The following SLC41A3 variants were observed in gnomAD, a reference collection of about 807,000 sequenced individuals.
SLC41A3 encodes the protein SLC41A1-like 2.
A neutral mutation model predicts 45.4 loss-of-function variants in SLC41A3; 44 were observed. The observed-to-expected ratio is 0.97, with a 90% CI of 0.76 to 1.25. The LOEUF is 1.25. SLC41A3 is among the 50% of genes most tolerant of loss of function. The probability of loss-of-function intolerance (pLI) is 0.00; values close to 1 mark genes in which losing one functional copy is unlikely to be tolerated. For missense variants in SLC41A3, 550 were observed against 600.6 expected (o/e 0.92, Z 0.88); for synonymous variants, 256 against 252.4 (o/e 1.01, Z -0.13).
intron 1 of SLC41A3, among the ~76,000 whole-genome samples, chr3:126,068,806 C>A (rs1485548917): frequency 6.6e-6 from 1 of 152,142 alleles, no homozygotes; most frequent in Non-Finnish European, 1.5e-5. Context: ...TTACAAGTCC[C>A]CATGCCCAAA....
chr3:126,036,147 G>A (rs182340288), intron 3 of SLC41A3, among the ~76,000 whole-genome samples: 35 of 152,286 alleles, frequency 2.3e-4, no homozygotes, highest in Admixed American at 1.6e-3. Context: ...TCCTGTCTCC[G>A]TTCTAGATTT....
chr3:126,096,849 C>T (rs1468394382), intron 1 of SLC41A3, among the ~76,000 whole-genome samples: 3 of 152,210 alleles, frequency 2.0e-5, no homozygotes, highest in South Asian at 4.1e-4. Context: ...TCCTCTAATG[C>T]TGCTGGGTTA....
chr3:126,028,949 T>G lies in SLC41A3; in HGVS notation c.454-2470A>C, dbSNP rs117032393. ...CCCTTCCTTTGGCTGATTTCTCCCCTTTGAAATGGGAGTATTTACCCAATA... is the reference window on the plus strand; with the variant it reads ...CCCTTCCTTTGGCTGATTTCTCCCCGTTGAAATGGGAGTATTTACCCAATA... On this transcript the variant is annotated intron_variant, in intron 4 of 10. Transcript: ENST00000360370. 1.1e-3 allele frequency among the ~76,000 whole-genome samples: 165 copies of G among 152,358 alleles called. No individual in the cohort carries two copies. In the East Asian group the frequency reaches 0.013, roughly 12 times the overall value.
At chr3:126,059,191 C>T (rs112491297) in intron 2 of SLC41A3, among the ~76,000 whole-genome samples, 61 of 130,740 alleles carry the variant, frequency 4.7e-4, no homozygotes, top group African/African-American at 1.7e-3. Context: ...GGGTACACTG[C>T]GAGCAGAACA....
At chr3:126,050,107 T>C (rs530573478) in intron 3 of SLC41A3, among the ~76,000 whole-genome samples, 8 of 152,312 alleles carry the variant, frequency 5.3e-5, no homozygotes, top group African/African-American at 1.9e-4. Context: ...TGCAAGGGCC[T>C]CTTCCCTATA....
chr3:126,060,704 A>T (rs1559871600), intron 2 of SLC41A3, among the ~76,000 whole-genome samples: 1 of 152,380 alleles, frequency 6.6e-6, no homozygotes, highest in African/African-American at 2.4e-5. Flanking sequence ...TAATCCAGAA[A>T]ATCAAAAGTG....
chr3:126,045,028 G>C (rs1032133393), intron 3 of SLC41A3, among the ~76,000 whole-genome samples: 2 of 149,722 alleles, frequency 1.3e-5, no homozygotes, highest in Admixed American at 1.3e-4. Context: ...ACATACACTT[G>C]AACAACCAGT....
At chr3:126,045,078 T>C (rs1195609261) in intron 3 of SLC41A3, among the ~76,000 whole-genome samples, 3 of 150,994 alleles carry the variant, frequency 2.0e-5, no homozygotes, top group Non-Finnish European at 2.9e-5. Flanking sequence ...AGAAAATATC[T>C]CAAGACAAAT....
rs1242615450 is a variant in SLC41A3 at position 126,053,358 on chromosome 3, T to G, written c.274-2308A>C. 3.3e-5 allele frequency among the ~76,000 whole-genome samples: 5 copies of G among 152,288 alleles called. No individual in the cohort carries two copies. In the East Asian group the frequency reaches 9.6e-4, roughly 29 times the overall value. The stretch of plus-strand genomic sequence containing the variant: ...AACCAACCCTGCCAACACTTTCATC[T>G]CAGACTTCCAGCCTCTGGAACTGCG... On this transcript the variant is annotated intron_variant, in intron 2 of 10. Coordinates refer to ENST00000360370, the MANE Select transcript of SLC41A3 (RefSeq NM_017836.4).
chr3:126,078,454 C>G (rs186623117), intron 1 of SLC41A3, among the ~76,000 whole-genome samples: 3 of 152,188 alleles, frequency 2.0e-5, no homozygotes, highest in Non-Finnish European at 2.9e-5. Flanking sequence ...GCTGAGCTAT[C>G]GGCCGGCTCT....
At chr3:126,056,407 A>G (rs779552192) in intron 2 of SLC41A3, 2 of 1,614,224 alleles carry the variant, frequency 1.2e-6, no homozygotes, top group Admixed American at 1.7e-5. Context: ...CAAGCCGGAC[A>G]GCAGAATGGG....
intron 1 of SLC41A3, among the ~76,000 whole-genome samples, chr3:126,093,633 T>A (rs1263939862): frequency 6.6e-6 from 1 of 152,170 alleles, no homozygotes; most frequent in Non-Finnish European, 1.5e-5. Context: ...CAAACAGGAG[T>A]CATTGATTTA....
chr3:126,051,857 G>A (rs1309014137), intron 2 of SLC41A3, among the ~76,000 whole-genome samples: 2 of 152,004 alleles, frequency 1.3e-5, no homozygotes, highest in East Asian at 1.9e-4. Context: ...TCCCTGCTTC[G>A]TCATCAAGGA....
chr3:126,039,409 A>G (rs1016851955), intron 3 of SLC41A3, among the ~76,000 whole-genome samples: 2 of 152,142 alleles, frequency 1.3e-5, no homozygotes, highest in Non-Finnish European at 2.9e-5. Flanking sequence ...ATGTCTCTCA[A>G]TTTGGGTTTC....
intron 1 of SLC41A3, among the ~76,000 whole-genome samples, chr3:126,090,223 A>G (rs1288350293): frequency 6.6e-6 from 1 of 152,118 alleles, no homozygotes; most frequent in East Asian, 1.9e-4. Flanking sequence ...TTTAACTAAA[A>G]TAGTATATTT....
chr3:126,027,422 C>A (rs1261141054), intron 4 of SLC41A3, among the ~76,000 whole-genome samples: 3 of 152,166 alleles, frequency 2.0e-5, no homozygotes, highest in Admixed American at 2.0e-4. Flanking sequence ...TTTCCTGGGG[C>A]TTTTCCACAA....
intron 2 of SLC41A3, among the ~76,000 whole-genome samples, chr3:126,066,613 C>T (rs1269682663): frequency 6.6e-6 from 1 of 152,170 alleles, no homozygotes; most frequent in African/African-American, 2.4e-5. Context: ...GTACAACATC[C>T]TACCACTATG....
At chr3:126,033,485 T>C (rs1232812371) in intron 4 of SLC41A3, 122 bp downstream of exon 4, 19 of 1,043,506 alleles carry the variant, frequency 1.8e-5, no homozygotes, top group African/African-American at 3.1e-5. Context: ...GACAGGTAGC[T>C]ACCTGTTCTC....
chr3:126,006,592 C>T lies in SLC41A3; in HGVS notation c.*424G>A, dbSNP rs764720687. ...GGTGAAGACAGCAAGTAAGCCACAGCTCAAGAGTTCTGAGGCTTGGGAACA... is the reference window on the plus strand; with the variant it reads ...GGTGAAGACAGCAAGTAAGCCACAGTTCAAGAGTTCTGAGGCTTGGGAACA... On this transcript the variant is annotated 3_prime_UTR_variant, in exon 11 of 11. Coordinates refer to ENST00000360370, the MANE Select transcript of SLC41A3 (RefSeq NM_017836.4). 3 of 1,581,306 alleles carry T rather than the reference C, an allele frequency of 1.9e-6. No homozygotes were observed. Among genetic ancestry groups the T allele is most frequent in the Admixed American group, 2.0e-5 (1 of 49,328 alleles).
Sources: gnomAD v4.1 joint callset for allele counts (sites outside exome capture counted in the v4.1 genomes callset) on GRCh38, gnomAD v4.1.1 for gene constraint, MANE v1.5 for transcripts, NCBI Gene and HGNC (gene_info 2026-07-23, HGNC 2026-07-21) for gene names.